Variants in PLPPR5 observed in about 807,000 individuals in gnomAD.
PLPPR5 encodes the protein phospholipid phosphatase related 5, also known as phospholipid phosphatase-related protein type 5.
A neutral mutation model predicts 33.9 loss-of-function variants in PLPPR5; 16 were observed. The ratio of observed to expected loss-of-function variants is 0.47; its 90% CI spans 0.32 to 0.72. PLPPR5 has a LOEUF of 0.72. PLPPR5 is among the 30% of genes least tolerant of loss of function. PLPPR5 has a pLI of 0.03. For missense variants in PLPPR5, 301 were observed against 406.7 expected (o/e 0.74, Z 2.23); for synonymous variants, 163 against 150.3 (o/e 1.08, Z -0.62).
intron 3 of PLPPR5, among the ~76,000 whole-genome samples, chr1:98,943,281 C>A (rs990146210): frequency 6.6e-6 from 1 of 152,116 alleles, no homozygotes; most frequent in South Asian, 2.1e-4. Flanking sequence ...AGGGAAGGAC[C>A]CTGAAACTCT....
At chr1:98,973,155 T>A (rs916015369) in intron 1 of PLPPR5, among the ~76,000 whole-genome samples, 1 of 152,102 alleles carries the variant, frequency 6.6e-6, no homozygotes, top group Non-Finnish European at 1.5e-5. Flanking sequence ...CCTAATTGTT[T>A]AAATATCTAA....
chr1:98,928,769 C>A (rs1649858882), intron 3 of PLPPR5, among the ~76,000 whole-genome samples: 4 of 151,532 alleles, frequency 2.6e-5, no homozygotes, highest in African/African-American at 9.7e-5. Context: ...GCTGCCTGAG[C>A]TGCGTTAGGC....
intron 3 of PLPPR5, among the ~76,000 whole-genome samples, chr1:98,945,644 C>G (rs530861078): frequency 6.6e-6 from 1 of 152,176 alleles, no homozygotes; most frequent in East Asian, 1.9e-4. Flanking sequence ...GAAATAAATA[C>G]AGCCATACTT....
chr1:98,999,383 A>G (rs1652745508), intron 1 of PLPPR5, among the ~76,000 whole-genome samples: 1 of 152,196 alleles, frequency 6.6e-6, no homozygotes, highest in Non-Finnish European at 1.5e-5. Flanking sequence ...ACTGGCTCAA[A>G]TTCTCACAGC....
intron 1 of PLPPR5, among the ~76,000 whole-genome samples, chr1:98,974,956 G>GC (rs1651792209): frequency 1.3e-5 from 2 of 151,934 alleles, no homozygotes; most frequent in Admixed American, 1.3e-4. Context: ...GGTGGCTAAG[G>GC]CACTGTTCTC....
rs956039608 is a variant in PLPPR5, at chr1:98,952,742, C to T, written c.621+328G>A. ...AAGAGGCCTAGGTAGTTCTCTTCAT[C>T]GTGCTATTACAAGTTCATGGGGAAT... On this transcript the variant is annotated intron_variant, in intron 3 of 5. Transcript: ENST00000263177. 7.2e-5 allele frequency among the ~76,000 whole-genome samples: 11 copies of T among 152,264 alleles called. No homozygotes were observed. In the East Asian group the frequency reaches 1.9e-3, roughly 27 times the overall value.
intron 1 of PLPPR5, among the ~76,000 whole-genome samples, chr1:98,972,796 T>C (rs1310249736): frequency 6.6e-6 from 1 of 152,050 alleles, no homozygotes. Context: ...ATGGCCCTGA[T>C]CTGGGGCTAG....
intron 5 of PLPPR5, among the ~76,000 whole-genome samples, chr1:98,909,466 T>C (rs989048872): frequency 6.6e-6 from 1 of 151,856 alleles, no homozygotes; most frequent in African/African-American, 2.4e-5. Flanking sequence ...CTTTCTGATA[T>C]ATATTGGAAA....
At chr1:98,946,306 T>A (rs1344091630) in intron 3 of PLPPR5, among the ~76,000 whole-genome samples, 2 of 152,230 alleles carry the variant, frequency 1.3e-5, no homozygotes, top group African/African-American at 4.8e-5. Context: ...TATATATTTA[T>A]GGAATTGAAT....
At position 98,893,106 on chromosome 1, in the gene PLPPR5, T is replaced by C; in HGVS notation, c.934-2A>G. 1.9e-6 allele frequency: 3 copies of C among 1,610,862 alleles called. No individual in the cohort carries two copies. The highest frequency in any genetic ancestry group is 2.5e-6 in the Non-Finnish European group (3 of 1,178,156). On this transcript the variant is annotated splice_acceptor_variant, in intron 5 of 5. Coordinates refer to ENST00000263177, the MANE Select transcript of PLPPR5 (RefSeq NM_001037317.2). LOFTEE classifies it high-confidence loss of function. ...TTCTGCGAAGGCAGTGATGTGGTTCTGCAAAAAGAAAAAGGAATGACAAAG... is the reference window on the plus strand; with the variant it reads ...TTCTGCGAAGGCAGTGATGTGGTTCCGCAAAAAGAAAAAGGAATGACAAAG...
At chr1:98,952,216 T>A (rs182991202) in intron 3 of PLPPR5, among the ~76,000 whole-genome samples, 2 of 148,040 alleles carry the variant, frequency 1.4e-5, no homozygotes, top group Admixed American at 1.4e-4. Context: ...TGAGCTGAGA[T>A]TGCGCCACTG....
intron 2 of PLPPR5, among the ~76,000 whole-genome samples, chr1:98,954,933 G>A (rs1650946771): frequency 6.7e-6 from 1 of 148,276 alleles, no homozygotes; most frequent in Non-Finnish European, 1.5e-5. Flanking sequence ...TAAGAATGTG[G>A]AAATGTCTCT....
chr1:98,933,821 C>A (rs1350686252), intron 3 of PLPPR5, among the ~76,000 whole-genome samples: 2 of 152,134 alleles, frequency 1.3e-5, no homozygotes, highest in Non-Finnish European at 2.9e-5. Flanking sequence ...AGGAAAGGCA[C>A]CACGGGGCAT....
chr1:98,906,771 T>C (rs1266453289), intron 5 of PLPPR5, among the ~76,000 whole-genome samples: 1 of 152,200 alleles, frequency 6.6e-6, no homozygotes, highest in African/African-American at 2.4e-5. Flanking sequence ...TCAATAGTTG[T>C]TTTGTATCTG....
intron 5 of PLPPR5, among the ~76,000 whole-genome samples, chr1:98,908,123 G>A (rs139766225): frequency 3.3e-5 from 5 of 152,210 alleles, no homozygotes; most frequent in East Asian, 1.9e-4. Context: ...TAAATGAAAC[G>A]GACTCCTTAT....
Position 98,891,756 on chromosome 1 carries a change from A to G in PLPPR5, c.*1316T>C, listed in dbSNP as rs1399104548. The G allele has an allele frequency of 6.6e-6, 1 of 152,160 alleles. No individual in the cohort carries two copies. Among genetic ancestry groups the G allele is most frequent in the African/African-American group, 2.4e-5 (1 of 41,450 alleles). The allele number at this position is 152,160 out of a possible 1,614,324, so 9.4% of individuals were successfully genotyped here. Reference sequence around the variant, plus strand: ...AAAACATAAACATTTAAAATACAGCAGAGCTTTCATATTTGTATTCTGGCA... The same window carrying G: ...AAAACATAAACATTTAAAATACAGCGGAGCTTTCATATTTGTATTCTGGCA... On this transcript the variant is annotated 3_prime_UTR_variant, in exon 6 of 6. Coordinates refer to ENST00000263177, the MANE Select transcript of PLPPR5 (RefSeq NM_001037317.2).
chr1:98,929,754 C>A (rs1303746657), intron 3 of PLPPR5, among the ~76,000 whole-genome samples: 2 of 152,200 alleles, frequency 1.3e-5, no homozygotes, highest in South Asian at 2.1e-4. Context: ...TGACTCCCCC[C>A]TGACCCAATA....
At chr1:98,914,571 C>T (rs1649268452) in intron 5 of PLPPR5, among the ~76,000 whole-genome samples, 1 of 152,108 alleles carries the variant, frequency 6.6e-6, no homozygotes, top group South Asian at 2.1e-4. Flanking sequence ...GATTACAGGC[C>T]AGGTGTAAGC....
At chr1:98,969,217 A>C (rs1651563934) in intron 1 of PLPPR5, among the ~76,000 whole-genome samples, 1 of 152,076 alleles carries the variant, frequency 6.6e-6, no homozygotes, top group Non-Finnish European at 1.5e-5. Flanking sequence ...AGAGGACAGA[A>C]ACTTAAATTT....
Sources: allele counts gnomAD v4.1 joint callset (sites outside exome capture counted in the v4.1 genomes callset), GRCh38; gene constraint gnomAD v4.1.1; transcripts MANE v1.5; gene names NCBI Gene and HGNC (gene_info 2026-07-23, HGNC 2026-07-21).